The following MID1 variants were observed in gnomAD, a reference collection of about 807,000 sequenced individuals.
MID1 encodes the protein E3 ubiquitin-protein ligase Midline-1.
In MID1, 7 loss-of-function variants were observed where a neutral mutation model predicts 40.4. The ratio of observed to expected loss-of-function variants is 0.17; its 90% CI spans 0.10 to 0.33. The LOEUF (loss-of-function observed/expected upper bound fraction) is 0.33. MID1 is among the 10% of genes least tolerant of loss of function. MID1 has a pLI of 1.00. For missense variants in MID1, 367 were observed against 558.5 expected, an observed-to-expected ratio of 0.66 and a Z score of 3.46; for synonymous variants, 229 against 221.2, an observed-to-expected ratio of 1.04 and a Z score of -0.31.
intron 1 of MID1, among the ~76,000 whole-genome samples, chrX:10,684,582 A>AT (rs1434805516): frequency 5.0e-5 from 5 of 100,097 alleles, no homozygotes; most frequent in East Asian, 3.1e-4. Context: ...TTTTTTTTGT[A>AT]TTTTTTTTAG....
At chrX:10,788,546 T>C (rs2043904148) in intron 1 of MID1, among the ~76,000 whole-genome samples, 1 of 104,448 alleles carries the variant, frequency 9.6e-6, no homozygotes, top group Non-Finnish European at 1.9e-5. Flanking sequence ...TAAACCCACG[T>C]GGCAAAAAGA....
intron 2 of MID1, among the ~76,000 whole-genome samples, chrX:10,566,343 C>T (rs992162383): frequency 1.8e-5 from 2 of 111,352 alleles, no homozygotes; most frequent in Admixed American, 9.5e-5. Flanking sequence ...GTCACGTGTC[C>T]TCTAAAATCC....
chrX:10,491,824 C>A (rs1007103522), intron 4 of MID1, among the ~76,000 whole-genome samples: 3 of 111,813 alleles, frequency 2.7e-5, no homozygotes, highest in African/African-American at 9.7e-5. Context: ...TACTTGCTTT[C>A]AACCAAGTGC....
chrX:10,669,230 TAAAAAAAAA>T (rs761817483), intron 1 of MID1, among the ~76,000 whole-genome samples: 5 of 47,012 alleles, frequency 1.1e-4, no homozygotes, highest in Middle Eastern at 0.013. Context: ...CGTCTCAAAA[TAAAAAAAAA>T]AAAAAAAAAA....
At chrX:10,720,812 T>C (rs1418975442) in intron 1 of MID1, among the ~76,000 whole-genome samples, 2 of 109,979 alleles carry the variant, frequency 1.8e-5, no homozygotes, top group African/African-American at 3.3e-5. Context: ...TGTCCAACAA[T>C]GATAGACTGG....
chrX:10,628,836 G>A (rs1211596779), intron 1 of MID1, among the ~76,000 whole-genome samples: 2 of 112,141 alleles, frequency 1.8e-5, no homozygotes, highest in African/African-American at 3.2e-5. Context: ...AAAAACTCTC[G>A]TATCTATCAT....
intron 3 of MID1, among the ~76,000 whole-genome samples, chrX:10,520,583 T>C (rs561152502): frequency 3.3e-3 from 371 of 112,334 alleles, no homozygotes; most frequent in Middle Eastern, 0.014. Context: ...GGAATTCTTA[T>C]TGCAAAAATG....
intron 1 of MID1, among the ~76,000 whole-genome samples, chrX:10,784,878 G>A (rs961222249): frequency 9.0e-6 from 1 of 111,159 alleles, no homozygotes; most frequent in Non-Finnish European, 1.9e-5. Flanking sequence ...CATACTGAAT[G>A]AGCAAAAACT....
chrX:10,804,981 G>A (rs145140044), intron 1 of MID1, among the ~76,000 whole-genome samples: 3,562 of 110,973 alleles, frequency 0.032, 158 homozygotes, highest in African/African-American at 0.11. Flanking sequence ...ACCTTGTGGG[G>A]GGAATCCTAG....
intron 1 of MID1, among the ~76,000 whole-genome samples, chrX:10,789,168 G>A (rs747335304): frequency 8.8e-4 from 98 of 110,823 alleles, no homozygotes; most frequent in Non-Finnish European, 1.7e-3. Context: ...ACCCCAGCCC[G>A]GGTGACAGAC....
intron 3 of MID1, among the ~76,000 whole-genome samples, chrX:10,516,666 G>A (rs1038344645): frequency 2.7e-5 from 3 of 109,125 alleles, no homozygotes; most frequent in African/African-American, 1.0e-4. Flanking sequence ...ACCCAGGCTG[G>A]AGAGCAGTTG....
In MID1 at chrX:10,482,900, G is replaced by A. The variant is rs191911567; in HGVS notation, c.865-272C>T. The stretch of plus-strand genomic sequence containing the variant: ...TGATGGGAAAAAAAGGTGTTGCCCA[G>A]TGGCAACTTACAAAGGGTCACCAGA... On this transcript the variant is annotated intron_variant, in intron 4 of 9. Coordinates refer to ENST00000317552, the MANE Select transcript of MID1 (RefSeq NM_000381.4). 5.4e-3 allele frequency among the ~76,000 whole-genome samples: 604 copies of A among 112,249 alleles called. 4 individuals are homozygous for A. Among genetic ancestry groups the A allele is most frequent in the African/African-American group, 0.019 (587 of 30,926 alleles).
Position 10,640,085 on chromosome X carries a change from T to G in MID1, c.-186-19666A>C, listed in dbSNP as rs766263894. The stretch of plus-strand genomic sequence containing the variant: ...CATGCCAAATTGTAAAGACCATCAG[T>G]GCTAGGAAGAAACTGCATCAACTAA... On this transcript the variant is annotated intron_variant, in intron 1 of 10. Transcript: ENST00000380785. 1.5e-4 allele frequency among the ~76,000 whole-genome samples: 17 copies of G among 111,865 alleles called. No individual in the cohort carries two copies. In the East Asian group the frequency reaches 4.2e-3, roughly 28 times the overall value.
chrX:10,753,661 T>A (rs999016484), intron 1 of MID1, among the ~76,000 whole-genome samples: 2 of 111,651 alleles, frequency 1.8e-5, no homozygotes, highest in Admixed American at 9.6e-5. Context: ...AAAAAAATTT[T>A]AAAAATGACT....
intron 3 of MID1, among the ~76,000 whole-genome samples, chrX:10,511,855 T>G (rs1439390663): frequency 1.8e-5 from 2 of 112,635 alleles, no homozygotes; most frequent in East Asian, 5.5e-4. Context: ...ACATACACCT[T>G]ATACACATAA....
intron 7 of MID1, among the ~76,000 whole-genome samples, chrX:10,465,735 A>C (rs1929351000): frequency 9.0e-6 from 1 of 111,098 alleles, no homozygotes; most frequent in Admixed American, 9.6e-5. Flanking sequence ...AAATGGAGGG[A>C]GCTAAGAAGT....
At chrX:10,817,550 TTCTTTCTTTCTTTC>T (rs2044145771) in intron 1 of MID1, among the ~76,000 whole-genome samples, 1 of 103,455 alleles carries the variant, frequency 9.7e-6, no homozygotes, top group Admixed American at 1.1e-4. Context: ...CTTTCTTTCT[TTCTTTCTTTCTTTC>T]TTTCTTTCTC....
chrX:10,694,631 GA>G (rs1273329292), intron 1 of MID1, among the ~76,000 whole-genome samples: 1 of 112,007 alleles, frequency 8.9e-6, no homozygotes, highest in African/African-American at 3.2e-5. Flanking sequence ...AGTGTTCCAG[GA>G]AAACACTTGT....
intron 9 of MID1, among the ~76,000 whole-genome samples, chrX:10,451,345 G>A (rs192042941): frequency 1.8e-5 from 2 of 111,511 alleles, no homozygotes; most frequent in East Asian, 2.8e-4. Context: ...GACAGTAGAC[G>A]TGCGGTTGGT....
Sources: gnomAD v4.1 joint callset for allele counts (sites outside exome capture counted in the v4.1 genomes callset) on GRCh38, gnomAD v4.1.1 for gene constraint, MANE v1.5 for transcripts, NCBI Gene and HGNC (gene_info 2026-07-23, HGNC 2026-07-21) for gene names.